Variants in CACNA2D1 observed in about 807,000 individuals in gnomAD.
CACNA2D1 encodes the protein calcium voltage-gated channel auxiliary subunit alpha2delta 1.
In CACNA2D1, 53 loss-of-function variants were observed where a neutral mutation model predicts 171.5. The ratio of observed to expected loss-of-function variants is 0.31; its 90% CI spans 0.25 to 0.39. The LOEUF is 0.39. Ranked by LOEUF, CACNA2D1 falls within the 10% of genes least tolerant of loss-of-function variation. The pLI, the probability that CACNA2D1 is intolerant of heterozygous loss-of-function variation, is 1.00. For synonymous variants in CACNA2D1, 442 were observed against 443.1 expected (o/e 1.00, Z 0.03); for missense variants, 903 against 1,299.8 (o/e 0.69, Z 4.69).
At chr7:82,182,838 C>A (rs370005776) in intron 3 of CACNA2D1, among the ~76,000 whole-genome samples, 42 of 152,058 alleles carry the variant, frequency 2.8e-4, no homozygotes, top group African/African-American at 9.2e-4. Context: ...GAGTTCGAGA[C>A]CTGTCTGGCC....
At chr7:82,002,852 G>T (rs762305478) in intron 18 of CACNA2D1, among the ~76,000 whole-genome samples, 21 of 151,630 alleles carry the variant, frequency 1.4e-4, no homozygotes, top group Non-Finnish European at 1.2e-4. Flanking sequence ...TGATATTCTG[G>T]GGGCTTTTAA....
chr7:82,187,794 T>G (rs186172311), intron 3 of CACNA2D1, among the ~76,000 whole-genome samples: 217 of 152,190 alleles, frequency 1.4e-3, no homozygotes, highest in African/African-American at 5.0e-3. Flanking sequence ...ATAGACTGGG[T>G]AACTTAAACA....
In CACNA2D1 at chr7:81,967,054, G is replaced by T. The variant is rs1794773230; in HGVS notation, c.2502+115C>A. 11 of 694,340 alleles carry T rather than the reference G, an allele frequency of 1.6e-5. No homozygotes were observed. In the South Asian group the frequency reaches 1.7e-4, roughly 10 times the overall value. 43.0% of individuals were successfully genotyped at this position (694,340 alleles called of 1,614,324 possible). A position where few individuals can be genotyped will look rare whatever the true frequency, so the allele number is the denominator to read the frequency against. Reference sequence around the variant, plus strand: ...GAATATATTATTTCACATTTCCATAGAATTTTTTAGCCTTTGATTAAAAAA... The same window carrying T: ...GAATATATTATTTCACATTTCCATATAATTTTTTAGCCTTTGATTAAAAAA... On this transcript the variant is annotated intron_variant, in intron 31 of 38. Coordinates refer to ENST00000356860, the MANE Select transcript of CACNA2D1 (RefSeq NM_000722.4).
intron 3 of CACNA2D1, among the ~76,000 whole-genome samples, chr7:82,221,839 A>G (rs1036151456): frequency 6.6e-6 from 1 of 151,918 alleles, no homozygotes. Context: ...AAGTAATAAA[A>G]TATTTTCTAT....
chr7:82,048,890 C>G (rs550101643), intron 10 of CACNA2D1, among the ~76,000 whole-genome samples: 2 of 152,086 alleles, frequency 1.3e-5, no homozygotes, highest in East Asian at 3.9e-4. Flanking sequence ...TCAAATAAGT[C>G]AATAACTTTT....
intron 7 of CACNA2D1, among the ~76,000 whole-genome samples, chr7:82,078,489 A>G (rs1809288639): frequency 6.6e-6 from 1 of 152,178 alleles, no homozygotes; most frequent in African/African-American, 2.4e-5. Flanking sequence ...TAATAGCTTT[A>G]ATTTATATAA....
intron 25 of CACNA2D1, 125 bp from the exon 26 acceptor site, chr7:81,971,989 C>T (rs1795329946): frequency 3.0e-6 from 2 of 666,300 alleles, no homozygotes; most frequent in Admixed American, 2.4e-5. Context: ...AAATATATTC[C>T]ACATTCATTT....
rs1385673483 is a variant in CACNA2D1 at position 81,947,998 on chromosome 7, T to A, written c.*2394A>T. 6.6e-6 allele frequency: 1 copy of A among 151,798 alleles called. No individual in the cohort carries two copies. Among genetic ancestry groups the A allele is most frequent in the African/African-American group, 2.4e-5 (1 of 41,388 alleles). The allele number at this position is 151,798 out of a possible 1,614,324, so 9.4% of individuals were successfully genotyped here. On this transcript the variant is annotated 3_prime_UTR_variant, in exon 39 of 39. Transcript: ENST00000356860. ...AATTAAATAGGATCCTGCCAAGAGA[T>A]GCCAAGTTTAACCGCGATTAATACA... is the stretch of plus-strand genomic sequence containing the variant.
chr7:82,175,200 A>G (rs1796437542), intron 3 of CACNA2D1, among the ~76,000 whole-genome samples: 1 of 152,042 alleles, frequency 6.6e-6, no homozygotes, highest in African/African-American at 2.4e-5. Flanking sequence ...ATCAGGGATC[A>G]TATAACAGTT....
intron 30 of CACNA2D1, 56 bp from the exon 31 acceptor site, chr7:81,967,263 ATT>A: frequency 1.6e-6 from 2 of 1,280,312 alleles, no homozygotes; most frequent in Non-Finnish European, 2.3e-6. Flanking sequence ...TTTTAATTAT[ATT>A]ATTACCATGT....
intron 1 of CACNA2D1, among the ~76,000 whole-genome samples, chr7:82,394,207 A>AT (rs1825527573): frequency 6.6e-6 from 1 of 152,168 alleles, no homozygotes; most frequent in Admixed American, 6.5e-5. Flanking sequence ...GTCTACCTGC[A>AT]TTTTAAATCA....
At chr7:82,200,598 G>C (rs74701603) in intron 3 of CACNA2D1, among the ~76,000 whole-genome samples, 13,727 of 151,952 alleles carry the variant, frequency 0.09, 733 homozygotes, top group Non-Finnish European at 0.11. Context: ...TGTGTTTTCT[G>C]TTCATTTATT....
intron 4 of CACNA2D1, among the ~76,000 whole-genome samples, chr7:82,156,355 C>T (rs1794371446): frequency 6.6e-6 from 1 of 152,064 alleles, no homozygotes; most frequent in Non-Finnish European, 1.5e-5. Flanking sequence ...CCCTTTATAA[C>T]CCAGCTGTGG....
At chr7:82,391,322 A>C (rs1010874481) in intron 1 of CACNA2D1, among the ~76,000 whole-genome samples, 2 of 152,162 alleles carry the variant, frequency 1.3e-5, no homozygotes, top group Non-Finnish European at 2.9e-5. Flanking sequence ...TGTCAAAGGA[A>C]ATTCCTCATA....
At chr7:82,438,425 T>C (rs1441563185) in intron 1 of CACNA2D1, among the ~76,000 whole-genome samples, 1 of 152,354 alleles carries the variant, frequency 6.6e-6, no homozygotes, top group East Asian at 1.9e-4. Context: ...ACGATGTTAA[T>C]ATTTTGGACT....
rs10596724 is a variant in CACNA2D1, at chr7:82,077,759, TAAA to T, written c.658+7007_658+7009del. Among the ~76,000 whole-genome samples the T allele has an allele frequency of 5.7e-3, 827 of 145,088 alleles. 7 individuals carry two copies. Among genetic ancestry groups the T allele is most frequent in the Admixed American group, 9.9e-3 (145 of 14,658 alleles). On this transcript the variant is annotated intron_variant, in intron 7 of 38. Coordinates refer to ENST00000356860, the MANE Select transcript of CACNA2D1 (RefSeq NM_000722.4). ...ATGTGTCCATAAACAAATGTTAAAGTAAAAAAAAAAAAAAAATCAGGCATTTTT... is the reference window on the plus strand; with the variant it reads ...ATGTGTCCATAAACAAATGTTAAAGTAAAAAAAAAAAAATCAGGCATTTTT...
Position 82,235,399 on chromosome 7 carries a change from AAGGCAAATGAACTTT to A in CACNA2D1, c.295-64805_295-64791del, listed in dbSNP as rs574890138. Among the ~76,000 whole-genome samples, 25 of 152,234 alleles carry A rather than the reference AAGGCAAATGAACTTT, an allele frequency of 1.6e-4. No individual in the cohort carries two copies. The South Asian group carries it at 4.8e-3, about 29-fold the overall frequency. ...AAGATGTTATCCAGAATCCTCACCA[AAGGCAAATGAACTTT>A]CCCTGATGGGAGGGGCAGGCTGCTT... is the stretch of plus-strand genomic sequence containing the variant. On this transcript the variant is annotated intron_variant, in intron 3 of 38. Coordinates refer to ENST00000356860, the MANE Select transcript of CACNA2D1 (RefSeq NM_000722.4).
chr7:82,255,109 C>T (rs1255098436), intron 3 of CACNA2D1, among the ~76,000 whole-genome samples: 1 of 152,314 alleles, frequency 6.6e-6, no homozygotes, highest in East Asian at 1.9e-4. Context: ...CAAATCCTAA[C>T]CTGTTCTGAC....
rs149933871 is a variant in CACNA2D1, at chr7:82,031,065, C to T, written c.1143+1732G>A. Among the ~76,000 whole-genome samples the T allele has an allele frequency of 2.5e-4, 38 of 151,922 alleles. No homozygotes were observed. In the East Asian group the frequency reaches 7.2e-3, roughly 29 times the overall value. On this transcript the variant is annotated intron_variant, in intron 12 of 38. Coordinates refer to ENST00000356860, the MANE Select transcript of CACNA2D1 (RefSeq NM_000722.4). ...ATTAGGAACTATCACTGGATCTGTG[C>T]TCTGGGCTGCATGCCTAAAGTTCAC...
Sources: allele counts gnomAD v4.1 joint callset (sites outside exome capture counted in the v4.1 genomes callset), GRCh38; gene constraint gnomAD v4.1.1; transcripts MANE v1.5; gene names NCBI Gene and HGNC (gene_info 2026-07-23, HGNC 2026-07-21).